The following TBC1D23 variants were observed in gnomAD, a reference collection of about 807,000 sequenced individuals.
The protein encoded by TBC1D23 is TBC1 domain family member 23, also known as HCV non-structural protein 4A-transactivated protein 1.
Under a neutral mutation model 91.4 loss-of-function variants are expected in TBC1D23, and 55 were observed. The ratio of observed to expected loss-of-function variants is 0.60; its 90% CI spans 0.48 to 0.75. TBC1D23 has a LOEUF of 0.75. TBC1D23 is among the 30% of genes least tolerant of loss of function. The pLI is 0.00. For synonymous variants in TBC1D23, 289 were observed against 281.0 expected, an observed-to-expected ratio of 1.03 and a Z score of -0.28; for missense variants, 725 against 836.1, an observed-to-expected ratio of 0.87 and a Z score of 1.64.
At chr3:100,265,507 CAT>C (rs2067550589) in intron 1 of TBC1D23, among the ~76,000 whole-genome samples, 1 of 152,140 alleles carries the variant, frequency 6.6e-6, no homozygotes, top group Non-Finnish European at 1.5e-5. Flanking sequence ...TAAAATTAAA[CAT>C]GTTAAATTGT....
chr3:100,298,075 G>T (rs1705338571), intron 9 of TBC1D23, 30 bp downstream of exon 9: 1 of 1,597,526 alleles, frequency 6.3e-7, no homozygotes, highest in East Asian at 2.2e-5. Context: ...TTTGTTAGGG[G>T]ACTGTTCATT....
chr3:100,307,672 T>G (rs965947570), intron 13 of TBC1D23, among the ~76,000 whole-genome samples: 1 of 152,362 alleles, frequency 6.6e-6, no homozygotes, highest in Middle Eastern at 3.4e-3. Context: ...GATACTCTTA[T>G]TTTTAACTTG....
intron 3 of TBC1D23, among the ~76,000 whole-genome samples, chr3:100,283,339 A>C (rs977413524): frequency 1.3e-5 from 2 of 151,322 alleles, no homozygotes; most frequent in Non-Finnish European, 2.9e-5. Context: ...GTGCCATTGC[A>C]CTCCAGCCTG....
rs2067793197 is a variant in TBC1D23, at chr3:100,291,794, TTC to T, written c.600+1095_600+1096del. On this transcript the variant is annotated intron_variant, in intron 5 of 18. Transcript: ENST00000394144. ...TGGATTATCATATCTGCTTTTTTTT[TTC>T]TTTTTTTTTTTTTTTGAGATGGAGT... Among the ~76,000 whole-genome samples the T allele has an allele frequency of 3.8e-5, 5 of 132,662 alleles. No individual in the cohort carries two copies. In the South Asian group the frequency reaches 7.6e-4, roughly 20 times the overall value. The allele number at this position is 132,662 out of a possible 152,430, so 87.0% of individuals were successfully genotyped here.
chr3:100,266,395 A>G (rs575122674), intron 1 of TBC1D23, among the ~76,000 whole-genome samples: 2 of 152,170 alleles, frequency 1.3e-5, no homozygotes, highest in Non-Finnish European at 2.9e-5. Flanking sequence ...CAGTCTCTCA[A>G]GGAGCTAAGA....
At chr3:100,309,432 G>T (rs1434348773) in intron 13 of TBC1D23, among the ~76,000 whole-genome samples, 1 of 151,870 alleles carries the variant, frequency 6.6e-6, no homozygotes, top group African/African-American at 2.4e-5. Flanking sequence ...GGTAATTTCA[G>T]GCTCCACACT....
rs1274919697 is a variant in TBC1D23 at position 100,309,833 on chromosome 3, A to G, written c.1414-570A>G. ...ACCATGTTGGCCAGTCTGGTCTTGAACTCCTGACCTCATGATCCACCTGCC... is the reference window on the plus strand; with the variant it reads ...ACCATGTTGGCCAGTCTGGTCTTGAGCTCCTGACCTCATGATCCACCTGCC... On this transcript the variant is annotated intron_variant, in intron 13 of 18. Transcript: ENST00000394144. Among the ~76,000 whole-genome samples the G allele has an allele frequency of 2.0e-5, 3 of 150,654 alleles. No homozygotes were observed. In the East Asian group the frequency reaches 5.8e-4, roughly 29 times the overall value.
At position 100,295,121 on chromosome 3, in the gene TBC1D23, A is replaced by C; in HGVS notation, c.635A>C (p.Glu212Ala). The C allele has an allele frequency of 6.2e-7, 1 of 1,602,480 alleles. No individual in the cohort carries two copies. The highest frequency in any genetic ancestry group is 8.5e-7 in the Non-Finnish European group (1 of 1,176,896). The stretch of plus-strand genomic sequence containing the variant: ...CTTTTTGCATGTTACTGTTCCACTG[A>C]AGTCACTCAGGCAATATGGGATGGA... ...GSLFACYCST[E>A]VTQAIWDGYL... is the part of the protein sequence containing the mutation. Residue 212 changes from glutamate (E) to alanine (A), a missense_variant, in exon 6 of 19, where the codon GAA (glutamate) becomes GCA (alanine). By Grantham distance (107) the Glu-to-Ala change is moderately radical. Transcript: ENST00000394144.
chr3:100,302,645 G>A (rs1449090791), intron 11 of TBC1D23, among the ~76,000 whole-genome samples: 1 of 152,028 alleles, frequency 6.6e-6, no homozygotes, highest in East Asian at 1.9e-4. Context: ...GGAGTGCAGT[G>A]GCGCCATCTT....
At chr3:100,286,012 A>G (rs917100011) in intron 4 of TBC1D23, among the ~76,000 whole-genome samples, 1 of 152,094 alleles carries the variant, frequency 6.6e-6, no homozygotes, top group African/African-American at 2.4e-5. Flanking sequence ...TGCAAAGAGC[A>G]TAGGTATAGA....
chr3:100,318,198 T>C (rs1023272644), intron 16 of TBC1D23, among the ~76,000 whole-genome samples: 17 of 152,264 alleles, frequency 1.1e-4, no homozygotes, highest in Admixed American at 1.1e-3. Flanking sequence ...TATTTTGCAG[T>C]ATTTGTTAGA....
chr3:100,296,133 T>C, intron 7 of TBC1D23, 39 bp from the exon 8 acceptor site: 1 of 1,217,112 alleles, frequency 8.2e-7, no homozygotes, highest in Non-Finnish European at 1.2e-6. Context: ...TATTTGCATT[T>C]TTCACAAACT....
At chr3:100,306,577 G>T (rs1343634298) in intron 13 of TBC1D23, 34 bp downstream of exon 13, 1 of 1,340,160 alleles carries the variant, frequency 7.5e-7, no homozygotes, top group Non-Finnish European at 1.1e-6. Flanking sequence ...TACCGGATTT[G>T]GATAAGTTCC....
At chr3:100,290,766 G>C in intron 5 of TBC1D23, 65 bp downstream of exon 5, 1 of 1,046,406 alleles carries the variant, frequency 9.6e-7, no homozygotes. Context: ...AGTTAGGTGG[G>C]TTTTTTTTTT....
chr3:100,274,232 A>G (rs1277104315), intron 1 of TBC1D23, among the ~76,000 whole-genome samples: 1 of 152,140 alleles, frequency 6.6e-6, no homozygotes, highest in African/African-American at 2.4e-5. Flanking sequence ...CATTGCCCTG[A>G]ATTTTTTGTG....
chr3:100,281,335 A>T (rs557215065), intron 2 of TBC1D23, among the ~76,000 whole-genome samples: 17 of 151,920 alleles, frequency 1.1e-4, no homozygotes, highest in South Asian at 2.1e-4. Context: ...TTTACATTTT[A>T]AAAAAAACCT....
At chr3:100,297,877 G>A (rs752187512) in intron 8 of TBC1D23, 46 bp from the exon 9 acceptor site, 2 of 1,468,316 alleles carry the variant, frequency 1.4e-6, no homozygotes, top group Non-Finnish European at 9.3e-7. Context: ...TAGGAAGAAA[G>A]TTTGATTTTT....
chr3:100,290,778 A>C, intron 5 of TBC1D23, 77 bp downstream of exon 5: 1 of 1,206,896 alleles, frequency 8.3e-7, no homozygotes, highest in South Asian at 1.8e-5. Flanking sequence ...TTTTTTTTTC[A>C]AGGAAGAGAA....
chr3:100,276,382 C>A (rs998203195), intron 1 of TBC1D23, among the ~76,000 whole-genome samples: 1 of 151,798 alleles, frequency 6.6e-6, no homozygotes, highest in African/African-American at 2.4e-5. Context: ...TTTTAAAAAT[C>A]ATAATTTTAG....
Sources: gnomAD v4.1 joint callset for allele counts (sites outside exome capture counted in the v4.1 genomes callset) on GRCh38, gnomAD v4.1.1 for gene constraint, MANE v1.5 for transcripts, NCBI Gene and HGNC (gene_info 2026-07-23, HGNC 2026-07-21) for gene names.